NHEJ1: variants seen among roughly 807,000 people sequenced by gnomAD.
NHEJ1 encodes the protein non-homologous end-joining factor 1.
A neutral mutation model predicts 39.4 loss-of-function variants in NHEJ1; 22 were observed. The ratio of observed to expected loss-of-function variants is 0.56; its 90% CI spans 0.40 to 0.80. NHEJ1 has a LOEUF of 0.80. Among genes scored for constraint, NHEJ1 ranks in the 30% least tolerant of loss-of-function variants. The pLI is 0.00. For missense variants in NHEJ1, 329 were observed against 357.1 expected, an observed-to-expected ratio of 0.92 and a Z score of 0.63; for synonymous variants, 154 against 135.6, an observed-to-expected ratio of 1.14 and a Z score of -0.94.
chr2:219,082,292 G>A (rs913026598), intron 5 of NHEJ1, among the ~76,000 whole-genome samples: 3 of 152,216 alleles, frequency 2.0e-5, no homozygotes, highest in Non-Finnish European at 2.9e-5. Context: ...CAGAAACCCT[G>A]TAGGGCATTT....
intron 5 of NHEJ1, among the ~76,000 whole-genome samples, chr2:219,101,259 C>G (rs906748445): frequency 6.6e-6 from 1 of 151,996 alleles, no homozygotes; most frequent in Admixed American, 6.5e-5. Context: ...GGATTACAGG[C>G]GCGTACCACC....
At chr2:219,132,973 G>A (rs571058305) in intron 5 of NHEJ1, among the ~76,000 whole-genome samples, 4 of 152,124 alleles carry the variant, frequency 2.6e-5, no homozygotes, top group Admixed American at 6.6e-5. Context: ...TATCTTCAAC[G>A]GGCTTAATAA....
intron 5 of NHEJ1, among the ~76,000 whole-genome samples, chr2:219,139,727 A>G (rs779693852): frequency 6.6e-6 from 1 of 152,088 alleles, no homozygotes; most frequent in African/African-American, 2.4e-5. Context: ...CCCAGACTGG[A>G]GTGCAGTGGC....
chr2:219,156,048 G>A (rs1335570736), intron 3 of NHEJ1, among the ~76,000 whole-genome samples: 1 of 151,952 alleles, frequency 6.6e-6, no homozygotes, highest in Non-Finnish European at 1.5e-5. Context: ...AGGAGATCGA[G>A]ACCATCCTGG....
intron 5 of NHEJ1, among the ~76,000 whole-genome samples, chr2:219,114,451 A>C (rs1006398296): frequency 6.6e-6 from 1 of 152,186 alleles, no homozygotes; most frequent in Non-Finnish European, 1.5e-5. Flanking sequence ...AAGCAAGCAA[A>C]ATGTCATTCT....
rs1164327175 is a variant in NHEJ1 at position 219,070,814 on chromosome 2, C to A, written c.*5567G>T. Among the ~76,000 whole-genome samples the A allele has an allele frequency of 2.0e-5, 3 of 152,172 alleles. No homozygotes were observed. The highest frequency in any genetic ancestry group is 4.4e-5 in the Non-Finnish European group (3 of 68,034). ...TTCACACCTATGAAAGAGGGCAACA[C>A]AACAGACATTACCACTATCAGAAAA... On this transcript the variant is annotated 3_prime_UTR_variant, in exon 8 of 8. Transcript: ENST00000356853.
chr2:219,114,619 C>T (rs10191804), intron 5 of NHEJ1, among the ~76,000 whole-genome samples: 79,818 of 151,982 alleles, frequency 0.53, 23,669 homozygotes, highest in Non-Finnish European at 0.67. Flanking sequence ...ACAAGAAGGA[C>T]GAGAAGGGGA....
intron 5 of NHEJ1, among the ~76,000 whole-genome samples, chr2:219,095,625 C>T (rs1458432947): frequency 6.6e-6 from 1 of 152,140 alleles, no homozygotes; most frequent in African/African-American, 2.4e-5. Context: ...ATGGGGAGAG[C>T]ACCATCCATA....
chr2:219,119,675 T>A (rs1398741398), intron 5 of NHEJ1, among the ~76,000 whole-genome samples: 1 of 152,194 alleles, frequency 6.6e-6, no homozygotes, highest in Non-Finnish European at 1.5e-5. Context: ...ATCTTTGAAT[T>A]GAGTGGACCT....
chr2:219,076,556 C>CA, intron 7 of NHEJ1, 101 bp from the exon 8 acceptor site: 1 of 685,262 alleles, frequency 1.5e-6, no homozygotes. Context: ...TAGGATGAGG[C>CA]CTTTTTTTTT....
chr2:219,127,086 G>A (rs1462842646), intron 5 of NHEJ1, among the ~76,000 whole-genome samples: 3 of 152,164 alleles, frequency 2.0e-5, no homozygotes, highest in Non-Finnish European at 4.4e-5. Flanking sequence ...AAGAAGTTTG[G>A]ACTTTATCCT....
intron 2 of NHEJ1, 35 bp from the exon 3 acceptor site, chr2:219,157,719 TA>T: frequency 6.4e-7 from 1 of 1,560,136 alleles, no homozygotes; most frequent in Non-Finnish European, 8.8e-7. Flanking sequence ...GTAAGGGTGC[TA>T]AAAGGAAACT....
Position 219,075,626 on chromosome 2 carries a change from C to T in NHEJ1, c.*755G>A, listed in dbSNP as rs1559184422. 6.6e-6 allele frequency: 1 copy of T among 152,072 alleles called. No individual in the cohort carries two copies. The highest frequency in any genetic ancestry group is 1.5e-5 in the Non-Finnish European group (1 of 68,040). 9.4% of individuals were successfully genotyped at this position (152,072 alleles called of 1,614,324 possible). ...AATTAGCTAGGTGTGGTGGTGTGTGCCTTTAGTCCCAGTTATGCAGAAGGA... is the reference window on the plus strand; with the variant it reads ...AATTAGCTAGGTGTGGTGGTGTGTGTCTTTAGTCCCAGTTATGCAGAAGGA... On this transcript the variant is annotated 3_prime_UTR_variant, in exon 8 of 8. Coordinates refer to ENST00000356853, the MANE Select transcript of NHEJ1 (RefSeq NM_024782.3).
At chr2:219,095,952 A>G (rs990040580) in intron 5 of NHEJ1, among the ~76,000 whole-genome samples, 1 of 152,046 alleles carries the variant, frequency 6.6e-6, no homozygotes, top group African/African-American at 2.4e-5. Flanking sequence ...GTGGAGACTC[A>G]TATTAAGGGG....
At position 219,101,361 on chromosome 2, in the gene NHEJ1, T is replaced by C. The variant is rs1949258664; in HGVS notation, c.589-23155A>G. Among the ~76,000 whole-genome samples, 3 of 152,282 alleles carry C rather than the reference T, an allele frequency of 2.0e-5. No individual in the cohort carries two copies. In the South Asian group the frequency reaches 6.2e-4, roughly 32 times the overall value. On this transcript the variant is annotated intron_variant, in intron 5 of 7. Transcript: ENST00000356853. ...AACTCCTGACCTCAGGTGATCTGCT[T>C]GCCTTGGCCTCCCAAAGTGCTGGAA... is the stretch of plus-strand genomic sequence containing the variant.
chr2:219,079,905 C>T (rs1055500048), intron 5 of NHEJ1, among the ~76,000 whole-genome samples: 3 of 152,210 alleles, frequency 2.0e-5, no homozygotes, highest in African/African-American at 4.8e-5. Context: ...CTCTTAGGGT[C>T]ACTCATACAT....
Position 219,076,166 on chromosome 2 carries a change from G to A in NHEJ1, c.*215C>T. The A allele has an allele frequency of 1.9e-6, 2 of 1,047,238 alleles. No homozygotes were observed. Among genetic ancestry groups the A allele is most frequent in the Non-Finnish European group, 2.7e-6 (2 of 740,606 alleles). The allele number at this position is 1,047,238 out of a possible 1,614,324, so 64.9% of individuals were successfully genotyped here. A position where few individuals can be genotyped will look rare whatever the true frequency, so the allele number is the denominator to read the frequency against. ...CCTACAGAACCTCCACCAAAAGAGA[G>A]GAGAGCACGGGATTCTCAGAGACTG... is the stretch of plus-strand genomic sequence containing the variant. On this transcript the variant is annotated 3_prime_UTR_variant, in exon 8 of 8. Coordinates refer to ENST00000356853, the MANE Select transcript of NHEJ1 (RefSeq NM_024782.3).
At chr2:219,102,710 TAA>T (rs879703835) in intron 5 of NHEJ1, 7 of 134,522 alleles carry the variant, frequency 5.2e-5, no homozygotes, top group Admixed American at 1.5e-4. Context: ...CTGGGCAACA[TAA>T]AAAAAAAAAA....
At chr2:219,157,823 G>A in intron 2 of NHEJ1, 139 bp from the exon 3 acceptor site, 1 of 754,750 alleles carries the variant, frequency 1.3e-6, no homozygotes, top group Non-Finnish European at 2.3e-6. Flanking sequence ...AACATCACAA[G>A]GGGAAAGAAG....
Sources: gnomAD v4.1 joint callset for allele counts (sites outside exome capture counted in the v4.1 genomes callset) on GRCh38, gnomAD v4.1.1 for gene constraint, MANE v1.5 for transcripts, NCBI Gene and HGNC (gene_info 2026-07-23, HGNC 2026-07-21) for gene names.